The following CFAP54 variants were observed in gnomAD, a reference collection of about 807,000 sequenced individuals.
The protein encoded by CFAP54 is cilia- and flagella-associated protein 54.
A neutral mutation model predicts 370.4 loss-of-function variants in CFAP54; 290 were observed. The ratio of observed to expected loss-of-function variants is 0.78; its 90% CI spans 0.71 to 0.86. CFAP54 has a LOEUF of 0.86. Among genes scored for constraint, CFAP54 ranks in the 40% least tolerant of loss-of-function variants. The pLI is 0.00. For missense variants in CFAP54, 3,399 were observed against 3,528.7 expected, an observed-to-expected ratio of 0.96 and a Z score of 0.93; for synonymous variants, 1,206 against 1,236.5, an observed-to-expected ratio of 0.98 and a Z score of 0.52.
chr12:96,769,233 A>C (rs953224030), intron 60 of CFAP54, among the ~76,000 whole-genome samples: 1 of 152,240 alleles, frequency 6.6e-6, no homozygotes. Flanking sequence ...AGCTGGGATT[A>C]AAATTATTAA....
rs564577564 is a variant in CFAP54, at chr12:96,797,597, T to C, written c.8850+5098T>C. On this transcript the variant is annotated intron_variant, in intron 63 of 67. Coordinates refer to ENST00000524981, the MANE Select transcript of CFAP54 (RefSeq NM_001306084.2). ...TTGATAATAGTACTTTTCTTAATTA[T>C]GCTTTTTAAATTACATGACCTTTTT... Among the ~76,000 whole-genome samples the C allele has an allele frequency of 2.0e-5, 3 of 152,214 alleles. No individual in the cohort carries two copies. The South Asian group carries it at 6.2e-4, about 32-fold the overall frequency.
intron 36 of CFAP54, among the ~76,000 whole-genome samples, chr12:96,654,661 A>T (rs1325281344): frequency 6.6e-6 from 1 of 151,476 alleles, no homozygotes; most frequent in Non-Finnish European, 1.5e-5. Context: ...CCTTTAACTC[A>T]CTCACTTGTC....
intron 8 of CFAP54, among the ~76,000 whole-genome samples, chr12:96,525,122 T>A (rs966192383): frequency 1.1e-4 from 16 of 152,110 alleles, no homozygotes; most frequent in African/African-American, 3.6e-4. Flanking sequence ...ACGAATTTTA[T>A]CACAAGCTGT....
chr12:96,716,704 G>A (rs1236958580), intron 48 of CFAP54, among the ~76,000 whole-genome samples: 2 of 152,160 alleles, frequency 1.3e-5, no homozygotes, highest in Non-Finnish European at 2.9e-5. Context: ...GAAACACTCT[G>A]CTCTGACCTT....
chr12:96,674,529 A>G (rs1330587226), intron 39 of CFAP54, among the ~76,000 whole-genome samples: 3 of 152,116 alleles, frequency 2.0e-5, no homozygotes, highest in East Asian at 1.9e-4. Context: ...TGCATCATTT[A>G]TCTCATGTAG....
intron 44 of CFAP54, among the ~76,000 whole-genome samples, chr12:96,693,100 A>C (rs1431925438): frequency 2.0e-5 from 3 of 152,334 alleles, no homozygotes; most frequent in Admixed American, 6.5e-5. Context: ...TTCTAGGAAA[A>C]TAAAAATATT....
intron 59 of CFAP54, among the ~76,000 whole-genome samples, chr12:96,764,819 T>C (rs1958382359): frequency 6.6e-6 from 1 of 152,202 alleles, no homozygotes; most frequent in South Asian, 2.1e-4. Flanking sequence ...GGCAACTATC[T>C]GTCATAGCTA....
intron 63 of CFAP54, among the ~76,000 whole-genome samples, chr12:96,794,486 C>G (rs912490703): frequency 4.0e-5 from 6 of 148,754 alleles, no homozygotes; most frequent in Non-Finnish European, 7.4e-5. Context: ...AAAGCCTTGT[C>G]TTTGAGCTCT....
Position 96,700,026 on chromosome 12 carries a change from A to G in CFAP54, c.6407A>G (p.Gln2136Arg), listed in dbSNP as rs563507957. Residue 2136 changes from glutamine (Q) to arginine (R), a missense_variant, in exon 46 of 68, where the codon CAA becomes CGA. Gln to Arg is a conservative substitution (Grantham distance 43, BLOSUM62 1). Transcript: ENST00000524981. Reference protein sequence around the residue: ...FFSEAFYEISQIFYGKNMPCP... With the variant: ...FFSEAFYEISRIFYGKNMPCP... The stretch of plus-strand genomic sequence containing the variant: ...TCTGAAGCCTTTTATGAGATATCCC[A>G]AATTTTCTATGGAAAAAACATGCCT... 3 of 1,608,122 alleles carry G rather than the reference A, an allele frequency of 1.9e-6. No individual in the cohort carries two copies. The highest frequency in any genetic ancestry group is 3.4e-5 in the Admixed American group (2 of 59,582).
chr12:96,793,197 C>T (rs1049541968), intron 63 of CFAP54, among the ~76,000 whole-genome samples: 5 of 152,134 alleles, frequency 3.3e-5, no homozygotes, highest in African/African-American at 9.7e-5. Context: ...GCTCCACCCT[C>T]TCCCCCGAGC....
intron 1 of CFAP54, among the ~76,000 whole-genome samples, chr12:96,495,536 G>T (rs1800240385): frequency 6.6e-6 from 1 of 150,632 alleles, no homozygotes; most frequent in Admixed American, 6.6e-5. Flanking sequence ...TCCCAGGCTG[G>T]TCTTGAACTC....
intron 19 of CFAP54, among the ~76,000 whole-genome samples, chr12:96,566,773 A>G (rs972151553): frequency 1.3e-5 from 2 of 152,202 alleles, no homozygotes; most frequent in Non-Finnish European, 2.9e-5. Context: ...CCATCTAACA[A>G]ATAATTTTGA....
chr12:96,524,239 AT>A (rs1176672888), intron 8 of CFAP54, among the ~76,000 whole-genome samples: 1 of 152,176 alleles, frequency 6.6e-6, no homozygotes, highest in Admixed American at 6.5e-5. Flanking sequence ...TTCAATAAAT[AT>A]TTTTTAAGTA....
At chr12:96,698,888 G>A (rs1776125245) in intron 45 of CFAP54, among the ~76,000 whole-genome samples, 1 of 152,150 alleles carries the variant, frequency 6.6e-6, no homozygotes, top group Non-Finnish European at 1.5e-5. Flanking sequence ...TCCACAGTGC[G>A]GGAGTGGGTG....
chr12:96,719,494 A>G (rs930176126), intron 49 of CFAP54, among the ~76,000 whole-genome samples: 2 of 152,210 alleles, frequency 1.3e-5, no homozygotes, highest in Admixed American at 1.3e-4. Flanking sequence ...TTATCTTCAC[A>G]TTACCAACTA....
intron 9 of CFAP54, among the ~76,000 whole-genome samples, chr12:96,533,190 T>G (rs1358873838): frequency 2.0e-5 from 3 of 152,092 alleles, no homozygotes; most frequent in African/African-American, 7.2e-5. Flanking sequence ...GGACTCAAAC[T>G]TCTGAGCTCA....
chr12:96,630,048 C>T lies in CFAP54; in HGVS notation c.4104-45C>T, dbSNP rs569373511. On this transcript the variant is annotated intron_variant, in intron 30 of 67. Transcript: ENST00000524981. ...GACATATTACTTTGGGGTAGTTCTG[C>T]AAATTTTTGCAGGTCTTTTTGACTG... 1.2e-5 allele frequency: 12 copies of T among 994,268 alleles called. No homozygotes were observed. The South Asian group carries it at 1.9e-4, about 16-fold the overall frequency. The allele number at this position is 994,268 out of a possible 1,614,324, so 61.6% of individuals were successfully genotyped here. A position where few individuals can be genotyped will look rare whatever the true frequency, so the allele number is the denominator to read the frequency against.
chr12:96,844,317 G>A (rs1959274337), intron 66 of CFAP54, among the ~76,000 whole-genome samples: 1 of 152,134 alleles, frequency 6.6e-6, no homozygotes, highest in Non-Finnish European at 1.5e-5. Flanking sequence ...AGAGGAGACG[G>A]CCATGTGATG....
chr12:96,530,874 T>G (rs1955434623), intron 9 of CFAP54, among the ~76,000 whole-genome samples: 1 of 152,252 alleles, frequency 6.6e-6, no homozygotes, highest in African/African-American at 2.4e-5. Context: ...GCCATTCTGA[T>G]AGGTGTGTAG....
Sources: allele counts gnomAD v4.1 joint callset (sites outside exome capture counted in the v4.1 genomes callset), GRCh38; gene constraint gnomAD v4.1.1; transcripts MANE v1.5; gene names NCBI Gene and HGNC (gene_info 2026-07-23, HGNC 2026-07-21).